ARHGEF4: variants seen among roughly 807,000 people sequenced by gnomAD.
The protein encoded by ARHGEF4 is Rho guanine nucleotide exchange factor 4.
Under a neutral mutation model 162.0 loss-of-function variants are expected in ARHGEF4, and 119 were observed. The ratio of observed to expected loss-of-function variants is 0.73; its 90% confidence interval spans 0.63 to 0.86. The LOEUF is 0.86. Ranked by LOEUF, ARHGEF4 falls within the 40% of genes least tolerant of loss-of-function variation. The pLI, the probability that ARHGEF4 is intolerant of heterozygous loss-of-function variation, is 0.00. For missense variants in ARHGEF4, 2,488 were observed against 2,456.0 expected (o/e 1.01, Z -0.28); for synonymous variants, 1,014 against 979.9 (o/e 1.03, Z -0.65).
intron 2 of ARHGEF4, among the ~76,000 whole-genome samples, chr2:130,921,901 A>G (rs1443378025): frequency 1.3e-5 from 2 of 151,930 alleles, no homozygotes; most frequent in Admixed American, 1.3e-4. Flanking sequence ...CATGTTGGCC[A>G]GGCTGGTCTC....
intron 11 of ARHGEF4, 158 bp downstream of exon 11, chr2:131,043,741 T>C: frequency 1.4e-6 from 1 of 728,588 alleles, no homozygotes; most frequent in Non-Finnish European, 1.9e-6. Flanking sequence ...TCTCTGCAGG[T>C]GAGCCTGGTG....
chr2:130,951,618 T>C (rs892798328), intron 4 of ARHGEF4, among the ~76,000 whole-genome samples: 1 of 152,196 alleles, frequency 6.6e-6, no homozygotes, highest in African/African-American at 2.4e-5. Flanking sequence ...CCTTCTTTAC[T>C]GTTTTCTTTT....
At position 130,917,147 on chromosome 2, in the gene ARHGEF4, A is replaced by G. The variant is rs2105059902; in HGVS notation, c.3201A>G (p.Ala1067=). 5 of 1,550,478 alleles carry G rather than the reference A, an allele frequency of 3.2e-6. No individual in the cohort carries two copies. The highest frequency in any genetic ancestry group is 1.2e-5 in the South Asian group (1 of 84,052). Residue 1067 remains alanine (A), a synonymous_variant, in exon 2 of 14, where the codon GCA becomes GCG. Transcript: ENST00000409359. ...GSPRAQQAGI[A]HTLPSSSACC... ...CTCGGGCCCAGCAGGCTGGAATCGC[A>G]CACACCCTGCCTTCCAGCTCTGCCT...
intron 2 of ARHGEF4, among the ~76,000 whole-genome samples, chr2:130,919,372 G>A: frequency 6.6e-6 from 1 of 152,122 alleles, no homozygotes; most frequent in East Asian, 1.9e-4. Flanking sequence ...GAAATGATTG[G>A]CAATCAACAC....
chr2:130,979,136 C>A (rs1032958842), intron 4 of ARHGEF4, among the ~76,000 whole-genome samples: 1 of 152,184 alleles, frequency 6.6e-6, no homozygotes, highest in Admixed American at 6.5e-5. Flanking sequence ...GTTAATGACA[C>A]CGTTGACAGG....
chr2:130,915,104 G>C lies in ARHGEF4; in HGVS notation c.1158G>C (p.Leu386=). 1 of 1,550,698 alleles carries C rather than the reference G, an allele frequency of 6.4e-7. No individual in the cohort carries two copies. The highest frequency in any genetic ancestry group is 8.7e-7 in the Non-Finnish European group (1 of 1,147,024). The change falls in exon 2 of 14, where the codon CTG becomes CTC. Residue 386 remains leucine, a synonymous_variant. Coordinates refer to ENST00000409359, the MANE Select transcript of ARHGEF4 (RefSeq NM_001367493.1). ...QNIPSPAPTQ[L]SGPIPAFQSG... The stretch of plus-strand genomic sequence containing the variant: ...TCCCTTCCCCTGCACCCACCCAGCT[G>C]TCTGGCCCGATTCCTGCTTTTCAGA...
intron 1 of ARHGEF4, among the ~76,000 whole-genome samples, chr2:130,846,812 T>C (rs1681001535): frequency 6.6e-6 from 1 of 152,150 alleles, no homozygotes; most frequent in East Asian, 1.9e-4. Flanking sequence ...TTGTCTGTGC[T>C]CAGACATGAG....
chr2:130,853,633 G>A (rs894196464), intron 1 of ARHGEF4, among the ~76,000 whole-genome samples: 1 of 152,198 alleles, frequency 6.6e-6, no homozygotes, highest in Non-Finnish European at 1.5e-5. Flanking sequence ...GTGCACATCG[G>A]TGTCCAGGAA....
At chr2:130,965,931 C>T (rs1232498371) in intron 4 of ARHGEF4, among the ~76,000 whole-genome samples, 1 of 152,156 alleles carries the variant, frequency 6.6e-6, no homozygotes, top group East Asian at 1.9e-4. Context: ...TAGGAAGTTG[C>T]TCTTTGAGGG....
chr2:130,864,188 A>T (rs1160975663), intron 1 of ARHGEF4, among the ~76,000 whole-genome samples: 1 of 148,248 alleles, frequency 6.7e-6, no homozygotes, highest in African/African-American at 2.6e-5. Flanking sequence ...TCTCAAAGAA[A>T]GAAAGAAAGA....
intron 1 of ARHGEF4, among the ~76,000 whole-genome samples, chr2:130,909,526 G>A (rs1681041424): frequency 6.6e-6 from 1 of 152,122 alleles, no homozygotes. Flanking sequence ...GTGAGGAGAG[G>A]CAGAAGGGAA....
At chr2:130,980,149 C>T (rs1017055368) in intron 4 of ARHGEF4, among the ~76,000 whole-genome samples, 3 of 152,114 alleles carry the variant, frequency 2.0e-5, no homozygotes, top group Non-Finnish European at 2.9e-5. Flanking sequence ...GTATCCCCAG[C>T]AATTTGGGAT....
At chr2:131,022,267 G>T (rs999495872) in intron 4 of ARHGEF4, among the ~76,000 whole-genome samples, 1 of 152,066 alleles carries the variant, frequency 6.6e-6, no homozygotes, top group African/African-American at 2.4e-5. Context: ...ACTACCAGAT[G>T]GTAGAAGCCA....
At chr2:130,958,724 C>A (rs527387115) in intron 4 of ARHGEF4, among the ~76,000 whole-genome samples, 12 of 151,744 alleles carry the variant, frequency 7.9e-5, no homozygotes, top group African/African-American at 2.9e-4. Flanking sequence ...ATAGATGTTT[C>A]TTTATTTGCT....
At chr2:131,000,344 T>G (rs761312485) in intron 4 of ARHGEF4, among the ~76,000 whole-genome samples, 7 of 152,212 alleles carry the variant, frequency 4.6e-5, no homozygotes, top group Non-Finnish European at 1.0e-4. Context: ...TTAGCTAATA[T>G]TTTGTTCGGG....
intron 4 of ARHGEF4, among the ~76,000 whole-genome samples, chr2:131,006,230 G>A (rs1349601226): frequency 6.6e-6 from 1 of 152,188 alleles, no homozygotes; most frequent in Admixed American, 6.5e-5. Context: ...CAGCCGCAGA[G>A]CCTCCAGAAA....
At chr2:130,923,149 C>T (rs1314928553) in intron 2 of ARHGEF4, among the ~76,000 whole-genome samples, 2 of 152,098 alleles carry the variant, frequency 1.3e-5, no homozygotes, top group Non-Finnish European at 2.9e-5. Context: ...AGGGTGGTCT[C>T]GAACTCATGA....
chr2:130,958,921 A>G (rs1234436868), intron 4 of ARHGEF4, among the ~76,000 whole-genome samples: 1 of 150,950 alleles, frequency 6.6e-6, no homozygotes, highest in African/African-American at 2.4e-5. Context: ...TGCTCATGGC[A>G]TATCTAGATA....
At chr2:130,918,401 C>G (rs747813887) in intron 2 of ARHGEF4, among the ~76,000 whole-genome samples, 1 of 152,198 alleles carries the variant, frequency 6.6e-6, no homozygotes, top group Non-Finnish European at 1.5e-5. Flanking sequence ...AAGGAGAGAG[C>G]TTTTCTGGAA....
Sources: gnomAD v4.1 joint callset for allele counts (sites outside exome capture counted in the v4.1 genomes callset) on GRCh38, gnomAD v4.1.1 for gene constraint, MANE v1.5 for transcripts, NCBI Gene and HGNC (gene_info 2026-07-23, HGNC 2026-07-21) for gene names.